Variants in INTS6L observed in about 807,000 individuals in gnomAD.
INTS6L encodes the protein integrator complex subunit 6-like.
In INTS6L, 18 loss-of-function variants were observed where a neutral mutation model predicts 64.7. The observed-to-expected ratio is 0.28, with a 90% CI of 0.19 to 0.41. INTS6L has a LOEUF of 0.41. Ranked by LOEUF, INTS6L falls within the 10% of genes least tolerant of loss-of-function variation. The pLI is 1.00. For missense variants in INTS6L, 533 were observed against 661.0 expected (o/e 0.81, Z 2.12); for synonymous variants, 227 against 235.9 (o/e 0.96, Z 0.34).
chrX:135,558,312 A>G (rs929150284), intron 9 of INTS6L, among the ~76,000 whole-genome samples: 5 of 112,056 alleles, frequency 4.5e-5, no homozygotes, highest in Non-Finnish European at 9.4e-5. Context: ...TATATCCAAA[A>G]GAATCGAATC....
chrX:135,546,309 A>G lies in INTS6L; in HGVS notation c.340-71A>G, dbSNP rs945550279. 38 of 659,889 alleles carry G rather than the reference A, an allele frequency of 5.8e-5. No individual in the cohort carries two copies. In the African/African-American group the frequency reaches 8.5e-4, roughly 15 times the overall value. 54.4% of individuals were successfully genotyped at this position (659,889 alleles called of 1,213,427 possible). A position where few individuals can be genotyped will look rare whatever the true frequency, so the allele number is the denominator to read the frequency against. The stretch of plus-strand genomic sequence containing the variant: ...TCATATTCTTGAGAGATCATTGGCA[A>G]GGCAAATATAAAAATTTAAATATAC... On this transcript the variant is annotated intron_variant, in intron 3 of 17. Transcript: ENST00000639893.
chrX:135,525,268 G>T (rs1200294533), intron 2 of INTS6L, among the ~76,000 whole-genome samples: 1 of 111,955 alleles, frequency 8.9e-6, no homozygotes, highest in African/African-American at 3.2e-5. Flanking sequence ...TTAGAGTAGG[G>T]TATATATTAA....
chrX:135,526,729 G>A (rs1429033504), intron 2 of INTS6L, among the ~76,000 whole-genome samples: 1 of 111,156 alleles, frequency 9.0e-6, no homozygotes, highest in African/African-American at 3.3e-5. Context: ...GCAAATATTT[G>A]AACTTCTAGG....
chrX:135,540,820 G>A (rs190072055), intron 2 of INTS6L, among the ~76,000 whole-genome samples: 23 of 107,429 alleles, frequency 2.1e-4, no homozygotes, highest in Admixed American at 2.1e-3. Context: ...GCAGTGGCAT[G>A]ATGGAGTGCA....
chrX:135,580,291 A>C, intron 16 of INTS6L, 129 bp downstream of exon 16: 2 of 778,674 alleles, frequency 2.6e-6, no homozygotes, highest in Non-Finnish European at 3.5e-6. Flanking sequence ...AGTTTAAGGC[A>C]GTTCCTCTTG....
At chrX:135,541,075 C>A (rs997834945) in intron 2 of INTS6L, among the ~76,000 whole-genome samples, 7 of 111,547 alleles carry the variant, frequency 6.3e-5, no homozygotes, top group Admixed American at 4.7e-4. Context: ...AGCCATCGCG[C>A]CTGGCCTCAA....
At chrX:135,569,760 C>G (rs2087047203) in intron 10 of INTS6L, 1 of 119,663 alleles carries the variant, frequency 8.4e-6, no homozygotes, top group Non-Finnish European at 1.7e-5. Flanking sequence ...CATCAACTTC[C>G]CTTTTTAACT....
chrX:135,581,237 C>CT, intron 17 of INTS6L, 94 bp downstream of exon 17: 2 of 679,517 alleles, frequency 2.9e-6, no homozygotes, highest in Non-Finnish European at 2.1e-6. Context: ...CTCTGCCTTG[C>CT]TTTTTTCTCA....
At chrX:135,570,632 A>C in intron 11 of INTS6L, 86 bp downstream of exon 11, 2 of 1,018,700 alleles carry the variant, frequency 2.0e-6, no homozygotes, top group Non-Finnish European at 2.6e-6. Context: ...TAATTTTTCA[A>C]ATTAAATGTG....
In INTS6L at chrX:135,580,048, G is replaced by A; in HGVS notation, c.2380G>A (p.Ala794Thr). 1 of 1,211,930 alleles carries A rather than the reference G, an allele frequency of 8.3e-7. No homozygotes were observed. Among genetic ancestry groups the A allele is most frequent in the Non-Finnish European group, 1.1e-6 (1 of 895,488 alleles). The change falls in exon 16 of 18, where the codon GCA (alanine) becomes ACA (threonine). Residue 794 changes from alanine to threonine, a missense_variant. Transcript: ENST00000639893. ...LSVDDQKDPV[A>T]STLGAMPNTL... ...CGTAGATGACCAAAAAGACCCAGTA[G>A]CATCTACTTTGGGAGCTATGCCAAA...
At chrX:135,544,084 A>G (rs2086293780) in intron 2 of INTS6L, among the ~76,000 whole-genome samples, 1 of 112,318 alleles carries the variant, frequency 8.9e-6, no homozygotes, top group African/African-American at 3.2e-5. Flanking sequence ...TTGAAGGGTT[A>G]TGCAGGTTGT....
chrX:135,578,708 C>T (rs1569514487), intron 15 of INTS6L, among the ~76,000 whole-genome samples: 1 of 111,275 alleles, frequency 9.0e-6, no homozygotes, highest in Non-Finnish European at 1.9e-5. Context: ...TGATGTTCAA[C>T]ATAATCCCTA....
At position 135,577,404 on chromosome X, in the gene INTS6L, T is replaced by C. The variant is rs1385238839; in HGVS notation, c.2096T>C (p.Ile699Thr). 3.3e-6 allele frequency: 4 copies of C among 1,211,797 alleles called. No homozygotes were observed. Among genetic ancestry groups the C allele is most frequent in the Non-Finnish European group, 4.5e-6 (4 of 895,529 alleles). ...ASWFPSYPNL[I>T]KPTLVHTDAT... is the part of the protein sequence containing the mutation. Reference sequence around the variant, plus strand: ...TGGTTCCCATCTTATCCAAACCTCATAAAACCCACCCTTGTACATACAGGT... The same window carrying C: ...TGGTTCCCATCTTATCCAAACCTCACAAAACCCACCCTTGTACATACAGGT... The change falls in exon 15 of 18, where the codon ATA becomes ACA. Residue 699 changes from isoleucine (I) to threonine (T), a missense_variant. Transcript: ENST00000639893.
intron 2 of INTS6L, among the ~76,000 whole-genome samples, chrX:135,538,106 G>T (rs985475694): frequency 8.9e-6 from 1 of 111,998 alleles, no homozygotes; most frequent in Admixed American, 9.4e-5. Context: ...GAACTTTACC[G>T]CATCGGTGAA....
In INTS6L at chrX:135,521,013, C is replaced by T. The variant is rs782295982; in HGVS notation, c.21C>T (p.Leu7=). The T allele has an allele frequency of 8.3e-6, 10 of 1,209,700 alleles. 1 individual carries two copies. In the South Asian group the frequency reaches 1.8e-4, roughly 21 times the overall value. The change falls in exon 1 of 18, where the codon CTC becomes CTT. Residue 7 remains leucine, a synonymous_variant. Coordinates refer to ENST00000639893, the MANE Select transcript of INTS6L (RefSeq NM_001351601.3). MPILLF[L]IDTSASMNQR... ...GGAAGATGCCCATCCTGCTGTTCCTCATAGACACGTCCGCCTCTATGAACC... is the reference window on the plus strand; with the variant it reads ...GGAAGATGCCCATCCTGCTGTTCCTTATAGACACGTCCGCCTCTATGAACC...
intron 2 of INTS6L, among the ~76,000 whole-genome samples, chrX:135,527,997 T>G (rs906143658): frequency 1.6e-4 from 18 of 111,630 alleles, no homozygotes; most frequent in Non-Finnish European, 3.0e-4. Context: ...GTTCCACATC[T>G]CAGGAAGAAA....
intron 12 of INTS6L, among the ~76,000 whole-genome samples, chrX:135,573,535 C>T (rs2087143681): frequency 8.9e-6 from 1 of 112,712 alleles, no homozygotes; most frequent in African/African-American, 3.2e-5. Context: ...ATCCCTATGG[C>T]ACCACAGCAG....
intron 16 of INTS6L, among the ~76,000 whole-genome samples, chrX:135,580,572 G>A (rs1000447403): frequency 1.6e-4 from 18 of 112,036 alleles, no homozygotes; most frequent in Admixed American, 3.8e-4. Flanking sequence ...CTTGGCCCAT[G>A]GCCCCTTCCT....
intron 11 of INTS6L, 57 bp from the exon 12 acceptor site, chrX:135,572,758 A>T: frequency 9.8e-7 from 1 of 1,016,728 alleles, no homozygotes; most frequent in Non-Finnish European, 1.3e-6. Context: ...CTTAAGTAGT[A>T]AAAATGACAG....
Sources: allele counts gnomAD v4.1 joint callset (sites outside exome capture counted in the v4.1 genomes callset), GRCh38; gene constraint gnomAD v4.1.1; transcripts MANE v1.5; gene names NCBI Gene and HGNC (gene_info 2026-07-23, HGNC 2026-07-21).